The following E2F5 variants were observed in gnomAD, a reference collection of about 807,000 sequenced individuals.
The protein encoded by E2F5 is E2F transcription factor 5.
A neutral mutation model predicts 39.1 loss-of-function variants in E2F5; 23 were observed. The observed-to-expected ratio is 0.59, with a 90% CI of 0.42 to 0.83. The LOEUF is 0.83. Among genes scored for constraint, E2F5 ranks in the 40% least tolerant of loss-of-function variants. E2F5 has a pLI of 0.00. For synonymous variants in E2F5, 145 were observed against 157.8 expected (o/e 0.92, Z 0.61); for missense variants, 365 against 406.7 (o/e 0.90, Z 0.88).
intron 1 of E2F5, among the ~76,000 whole-genome samples, chr8:85,184,354 G>A (rs1037896756): frequency 5.3e-5 from 8 of 152,148 alleles, no homozygotes; most frequent in African/African-American, 1.9e-4. Flanking sequence ...CTAGGTATCA[G>A]TGGAACATAT....
Position 85,203,221 on chromosome 8 carries a change from A to T in E2F5, c.472A>T (p.Ile158Phe). Residue 158 changes from isoleucine (I) to phenylalanine (F), a missense_variant, in exon 3 of 8, where the codon ATC becomes TTC. Physicochemically the swap from Ile to Phe is conservative, Grantham distance 21 (BLOSUM62 0). Transcript: ENST00000416274. ...GCAGAAGTTGTGGCTACAGCAAAGC[A>T]TCAAAAATGTGATGGACGATTCCAT... ...DQQKLWLQQS[I>F]KNVMDDSINN... The T allele has an allele frequency of 6.2e-7, 1 of 1,602,766 alleles. No individual in the cohort carries two copies. The highest frequency in any genetic ancestry group is 8.5e-7 in the Non-Finnish European group (1 of 1,174,572).
At chr8:85,204,163 G>A (rs1475402820) in intron 3 of E2F5, among the ~76,000 whole-genome samples, 2 of 152,090 alleles carry the variant, frequency 1.3e-5, no homozygotes, top group Non-Finnish European at 2.9e-5. Context: ...GTTCTGTGGA[G>A]CTCTGAAATT....
chr8:85,194,257 A>C (rs532718421), intron 1 of E2F5, among the ~76,000 whole-genome samples: 1 of 152,246 alleles, frequency 6.6e-6, no homozygotes, highest in Admixed American at 6.5e-5. Context: ...ATCAGTTTTG[A>C]GAATGGGCTA....
chr8:85,209,600 A>G (rs954130864), intron 6 of E2F5, among the ~76,000 whole-genome samples, 191 bp downstream of exon 6: 2 of 152,228 alleles, frequency 1.3e-5, no homozygotes, highest in African/African-American at 4.8e-5. Flanking sequence ...TGTTTCATAC[A>G]CACCTTATTC....
chr8:85,177,537 G>T lies in E2F5; in HGVS notation c.117G>T (p.Pro39=), dbSNP rs372623450. The change falls in exon 1 of 8, where the codon CCG becomes CCT. Residue 39 remains proline, a synonymous_variant. Transcript: ENST00000416274. Reference sequence around the variant, plus strand: ...AAGCCCCGCAGCCGCCCCCGCCGCCGCAGCTCGGGGGCGCCGGGGGCGGCA... The same window carrying T: ...AAGCCCCGCAGCCGCCCCCGCCGCCTCAGCTCGGGGGCGCCGGGGGCGGCA... The part of the protein sequence containing the change: ...QAQAPQPPPP[P]QLGGAGGGSS... The T allele has an allele frequency of 2.8e-5, 33 of 1,196,698 alleles. No individual in the cohort carries two copies. In the African/African-American group the frequency reaches 4.9e-4, roughly 18 times the overall value. 74.1% of individuals were successfully genotyped at this position (1,196,698 alleles called of 1,614,324 possible).
At chr8:85,211,660 T>G (rs1242737122) in intron 6 of E2F5, among the ~76,000 whole-genome samples, 1 of 140,834 alleles carries the variant, frequency 7.1e-6, no homozygotes, top group Non-Finnish European at 1.5e-5. Context: ...TTTTTTTTTT[T>G]TTTTTTTTTT....
chr8:85,194,487 C>T (rs1284225165), intron 1 of E2F5, among the ~76,000 whole-genome samples: 2 of 148,286 alleles, frequency 1.3e-5, no homozygotes, highest in Non-Finnish European at 3.0e-5. Context: ...ACTTAGTTTT[C>T]TGATTAACTT....
chr8:85,198,701 T>A (rs1421373867), intron 1 of E2F5, among the ~76,000 whole-genome samples: 1 of 152,206 alleles, frequency 6.6e-6, no homozygotes, highest in African/African-American at 2.4e-5. Flanking sequence ...TCCTGGACCT[T>A]AAACTTCCCC....
intron 2 of E2F5, among the ~76,000 whole-genome samples, 155 bp downstream of exon 2, chr8:85,202,411 C>G (rs1337859278): frequency 3.9e-5 from 6 of 152,176 alleles, no homozygotes; most frequent in African/African-American, 9.7e-5. Flanking sequence ...CTGTGTCACT[C>G]CTGTGTTGGG....
chr8:85,189,898 A>G (rs1812423331), intron 1 of E2F5, among the ~76,000 whole-genome samples: 1 of 152,110 alleles, frequency 6.6e-6, no homozygotes, highest in African/African-American at 2.4e-5. Context: ...CACGCTTTTC[A>G]CACTGTGAGG....
chr8:85,180,727 G>A (rs1812194386), intron 1 of E2F5, among the ~76,000 whole-genome samples: 1 of 147,362 alleles, frequency 6.8e-6, no homozygotes, highest in South Asian at 2.2e-4. Flanking sequence ...ACAGGCACCC[G>A]CCATCACGCC....
intron 3 of E2F5, among the ~76,000 whole-genome samples, chr8:85,204,190 A>G (rs1398256449): frequency 1.3e-5 from 2 of 152,030 alleles, no homozygotes; most frequent in African/African-American, 4.8e-5. Context: ...CCATTAATCT[A>G]TTTTATCTTG....
chr8:85,213,978 G>A lies in E2F5; in HGVS notation c.*116G>A. ...ACACCTTTTTTAGTTCACTGATTCT[G>A]AAGTGTTCTTCCCTAATACTTTCTT... On this transcript the variant is annotated 3_prime_UTR_variant, in exon 8 of 8. Transcript: ENST00000416274. The A allele has an allele frequency of 1.5e-6, 1 of 653,532 alleles. No individual in the cohort carries two copies. Among genetic ancestry groups the A allele is most frequent in the South Asian group, 1.9e-5 (1 of 52,156 alleles). 40.5% of individuals were successfully genotyped at this position (653,532 alleles called of 1,614,324 possible).
In E2F5 at chr8:85,203,146, C is replaced by G. The variant is rs770438498; in HGVS notation, c.397C>G (p.Leu133Val). The G allele has an allele frequency of 5.0e-6, 8 of 1,599,734 alleles. No individual in the cohort carries two copies. The highest frequency in any genetic ancestry group is 1.3e-5 in the African/African-American group (1 of 74,676). ...TKEVIDRLRY[L>V]KAEIEDLELK... ...AGAAGTCATAGATAGATTAAGATAT[C>G]TTAAAGCTGAAATTGAAGATCTAGA... The change falls in exon 3 of 8, where the codon CTT (leucine) becomes GTT (valine). Residue 133 changes from leucine (L) to valine (V), a missense_variant. Physicochemically the swap from Leu to Val is conservative, Grantham distance 32. Transcript: ENST00000416274.
At chr8:85,193,747 G>T (rs1812518194) in intron 1 of E2F5, among the ~76,000 whole-genome samples, 1 of 152,182 alleles carries the variant, frequency 6.6e-6, no homozygotes, top group Non-Finnish European at 1.5e-5. Context: ...GGTACTCTGT[G>T]CTTAGCTTCT....
intron 3 of E2F5, among the ~76,000 whole-genome samples, chr8:85,204,208 C>T (rs143545971): frequency 1.4e-4 from 22 of 152,200 alleles, no homozygotes; most frequent in Non-Finnish European, 2.5e-4. Context: ...TTGGACTTCG[C>T]TGCCCTGCTT....
intron 1 of E2F5, among the ~76,000 whole-genome samples, chr8:85,192,483 A>G (rs1284655958): frequency 6.6e-6 from 1 of 152,228 alleles, no homozygotes; most frequent in Non-Finnish European, 1.5e-5. Context: ...TCAGTAGCAG[A>G]GGGCAGAAGA....
intron 6 of E2F5, among the ~76,000 whole-genome samples, chr8:85,210,516 C>A (rs888974860): frequency 2.6e-5 from 4 of 151,902 alleles, no homozygotes; most frequent in African/African-American, 9.7e-5. Flanking sequence ...CCTGTCTCTA[C>A]TAAAAAATAC....
Position 85,209,122 on chromosome 8 carries a change from T to C in E2F5, c.616-20T>C. The C allele has an allele frequency of 6.2e-7, 1 of 1,609,730 alleles. No homozygotes were observed. The highest frequency in any genetic ancestry group is 8.5e-7 in the Non-Finnish European group (1 of 1,176,826). The stretch of plus-strand genomic sequence containing the variant: ...AAATGTTAATAATTATACATTTGTT[T>C]ATACCCAATAACTTCAAAGGGTCAG... On this transcript the variant is annotated intron_variant, in intron 5 of 7. Transcript: ENST00000416274.
Sources: allele counts gnomAD v4.1 joint callset (sites outside exome capture counted in the v4.1 genomes callset), GRCh38; gene constraint gnomAD v4.1.1; transcripts MANE v1.5; gene names NCBI Gene and HGNC (gene_info 2026-07-23, HGNC 2026-07-21).